USP48: variants seen among roughly 807,000 people sequenced by gnomAD.
The protein encoded by USP48 is ubiquitin specific peptidase 48, also known as ubiquitin carboxyl-terminal hydrolase 48.
Under a neutral mutation model 150.7 loss-of-function variants are expected in USP48, and 43 were observed. The ratio of observed to expected loss-of-function variants is 0.29; its 90% confidence interval spans 0.22 to 0.37. The LOEUF is 0.37. Ranked by LOEUF, USP48 falls within the 10% of genes least tolerant of loss-of-function variation. The pLI is 1.00. For synonymous variants in USP48, 396 were observed against 425.9 expected, an observed-to-expected ratio of 0.93 and a Z score of 0.86; for missense variants, 813 against 1,249.6, an observed-to-expected ratio of 0.65 and a Z score of 5.27.
chr1:21,729,921 T>C, intron 9 of USP48, 89 bp from the exon 10 acceptor site: 2 of 1,539,614 alleles, frequency 1.3e-6, no homozygotes, highest in Non-Finnish European at 1.8e-6. Flanking sequence ...ATTTCCAAAA[T>C]ATACACCCAA....
chr1:21,771,534 G>C (rs549959471), intron 1 of USP48, among the ~76,000 whole-genome samples: 1 of 150,860 alleles, frequency 6.6e-6, no homozygotes, highest in East Asian at 1.9e-4. Flanking sequence ...TTAAGGTCTT[G>C]CCTTATCAGA....
At chr1:21,700,231 T>C (rs994928658) in intron 22 of USP48, among the ~76,000 whole-genome samples, 5 of 152,122 alleles carry the variant, frequency 3.3e-5, no homozygotes, top group African/African-American at 9.6e-5. Context: ...CCCTCCAGTG[T>C]TGACTGACTG....
chr1:21,769,367 G>A (rs1233980543), intron 1 of USP48, among the ~76,000 whole-genome samples: 2 of 149,790 alleles, frequency 1.3e-5, no homozygotes, highest in Non-Finnish European at 1.5e-5. Flanking sequence ...AACAATAGAC[G>A]TTGGGGTCTT....
At chr1:21,771,134 T>C (rs1169972623) in intron 1 of USP48, among the ~76,000 whole-genome samples, 7 of 151,056 alleles carry the variant, frequency 4.6e-5, no homozygotes, top group Non-Finnish European at 1.0e-4. Flanking sequence ...AAAAAACAAC[T>C]AAAATACAAA....
chr1:21,707,666 G>A (rs1237047762), intron 15 of USP48, among the ~76,000 whole-genome samples: 1 of 152,138 alleles, frequency 6.6e-6, no homozygotes, highest in Non-Finnish European at 1.5e-5. Context: ...ACCCATATCG[G>A]TCATTACCCA....
chr1:21,728,755 C>T (rs781692541), intron 10 of USP48, 36 bp from the exon 11 acceptor site: 3 of 1,607,684 alleles, frequency 1.9e-6, no homozygotes, highest in Admixed American at 1.7e-5. Context: ...CAACTTTATT[C>T]TTGTTTTCAC....
chr1:21,778,547 G>C (rs1324843216), intron 1 of USP48, among the ~76,000 whole-genome samples: 2 of 132,422 alleles, frequency 1.5e-5, no homozygotes, highest in Admixed American at 8.9e-5. Flanking sequence ...CAGGAGTATT[G>C]ATTGAGCCCA....
intron 3 of USP48, among the ~76,000 whole-genome samples, chr1:21,756,195 T>A (rs1258027644): frequency 2.0e-5 from 3 of 150,936 alleles, no homozygotes; most frequent in African/African-American, 7.3e-5. Flanking sequence ...ATAAAATAAG[T>A]TTAGGCTAGA....
chr1:21,704,166 A>G (rs1571775080), intron 20 of USP48, 96 bp downstream of exon 20: 1 of 1,446,616 alleles, frequency 6.9e-7, no homozygotes, highest in Non-Finnish European at 9.3e-7. Flanking sequence ...GGACCGCCGC[A>G]TGATCTTTAA....
Position 21,729,690 on chromosome 1 carries a change from G to C in USP48, c.1300+14C>G, listed in dbSNP as rs758608586. ...AAAACATTTGCCTGCTATAATCCTG[G>C]AAAACTGCTTTACCTGGAACTTGAA... On this transcript the variant is annotated intron_variant, in intron 10 of 26. Transcript: ENST00000308271. The C allele has an allele frequency of 6.8e-6, 11 of 1,611,358 alleles. No individual in the cohort carries two copies. In the Middle Eastern group the frequency reaches 8.2e-4, roughly 121 times the overall value.
At chr1:21,708,089 G>C (rs2097678187) in intron 15 of USP48, among the ~76,000 whole-genome samples, 1 of 152,192 alleles carries the variant, frequency 6.6e-6, no homozygotes, top group East Asian at 1.9e-4. Context: ...TTGAGCCTAG[G>C]AGGCAGAGGT....
chr1:21,781,864 A>T (rs2097915417), intron 1 of USP48: 1 of 152,260 alleles, frequency 6.6e-6, no homozygotes, highest in Non-Finnish European at 1.5e-5. Flanking sequence ...TTACTGTTAA[A>T]GTCAGATTTA....
At chr1:21,685,147 A>G (rs954188057) in intron 25 of USP48, among the ~76,000 whole-genome samples, 3 of 152,170 alleles carry the variant, frequency 2.0e-5, no homozygotes, top group African/African-American at 7.2e-5. Context: ...CATTTTAACA[A>G]TATTAATTCT....
rs200891466 is a variant in USP48, at chr1:21,723,970, T to C, written c.1576A>G (p.Ile526Val). 9.5e-5 allele frequency: 153 copies of C among 1,614,186 alleles called. 1 individual carries two copies. Among genetic ancestry groups the C allele is most frequent in the African/African-American group, 2.8e-4 (21 of 75,054 alleles). Residue 526 changes from isoleucine (I) to valine (V), a missense_variant, in exon 12 of 27, where the codon ATT becomes GTT. Physicochemically the swap from Ile to Val is conservative, Grantham distance 29 (BLOSUM62 3). Coordinates refer to ENST00000308271, the MANE Select transcript of USP48 (RefSeq NM_032236.8). ...GCATATTCAGATATCCTCTTCATAA[T>C]TGATATTTTATCCGGGTGAAGCTTG... ...HDKLHPDKIS[I>V]MKRISEYAAD...
intron 10 of USP48, among the ~76,000 whole-genome samples, chr1:21,729,281 CAAAA>C (rs57704127): frequency 4.4e-5 from 4 of 90,406 alleles, no homozygotes; most frequent in Non-Finnish European, 2.4e-5. Flanking sequence ...GACTCCGCCT[CAAAA>C]AAAAAAAAAA....
Position 21,728,692 on chromosome 1 carries a change from T to A in USP48, c.1328A>T (p.Asp443Val). The A allele has an allele frequency of 6.2e-7, 1 of 1,614,088 alleles. No individual in the cohort carries two copies. Among genetic ancestry groups the A allele is most frequent in the Non-Finnish European group, 8.5e-7 (1 of 1,179,996 alleles). The change falls in exon 11 of 27, where the codon GAT (aspartate) becomes GTT (valine). Residue 443 changes from aspartate (D) to valine (V), a missense_variant. Asp to Val is a radical substitution (Grantham distance 152, BLOSUM62 -3). Transcript: ENST00000308271. ...PAFLQELVDR[D>V]NSKFEEWCIE... ...ACACCACTCCTCAAATTTGGAATTA[T>A]CCCGATCTACCAGCTCTTGAAGAAA... is the stretch of plus-strand genomic sequence containing the variant.
intron 22 of USP48, among the ~76,000 whole-genome samples, chr1:21,699,735 C>T (rs543954005): frequency 7.9e-5 from 12 of 151,634 alleles, no homozygotes; most frequent in African/African-American, 2.4e-4. Flanking sequence ...AGGCTGGTGT[C>T]GAACTCTTAA....
In USP48 at chr1:21,679,401, A is replaced by G. The variant is rs771466002; in HGVS notation, c.*16T>C. Reference sequence around the variant, plus strand: ...CCCCTCTGGTCATTTCTTAGCAGTCAGCAAGTATTCAAAGATTAATGTCCA... The same window carrying G: ...CCCCTCTGGTCATTTCTTAGCAGTCGGCAAGTATTCAAAGATTAATGTCCA... On this transcript the variant is annotated 3_prime_UTR_variant, in exon 27 of 27. Transcript: ENST00000308271. 6.2e-7 allele frequency: 1 copy of G among 1,614,176 alleles called. No individual in the cohort carries two copies. Among genetic ancestry groups the G allele is most frequent in the Non-Finnish European group, 8.5e-7 (1 of 1,180,012 alleles).
At chr1:21,780,530 G>A (rs1250784253) in intron 1 of USP48, among the ~76,000 whole-genome samples, 2 of 151,924 alleles carry the variant, frequency 1.3e-5, no homozygotes, top group African/African-American at 4.8e-5. Context: ...ACTTTAAAAT[G>A]GTAAACACTG....
Sources: allele counts gnomAD v4.1 joint callset (sites outside exome capture counted in the v4.1 genomes callset), GRCh38; gene constraint gnomAD v4.1.1; transcripts MANE v1.5; gene names NCBI Gene and HGNC (gene_info 2026-07-23, HGNC 2026-07-21).